The following IGFBP4 variants were observed in gnomAD, a reference collection of about 807,000 sequenced individuals.
IGFBP4 encodes insulin-like growth factor-binding protein 4.
IGFBP4 carries 9 observed loss-of-function variants against 25.8 expected under a neutral mutation model. The observed-to-expected ratio is 0.35, with a 90% CI of 0.21 to 0.61. IGFBP4 has a LOEUF of 0.61. Ranked by LOEUF, IGFBP4 falls within the 20% of genes least tolerant of loss-of-function variation. IGFBP4 has a pLI of 0.77. For synonymous variants in IGFBP4, 153 were observed against 153.9 expected (o/e 0.99, Z 0.05); for missense variants, 315 against 365.3 (o/e 0.86, Z 1.12).
chr17:40,452,564 C>T lies in IGFBP4; in HGVS notation c.350-421C>T, dbSNP rs558705495. Among the ~76,000 whole-genome samples the T allele has an allele frequency of 3.3e-4, 50 of 152,096 alleles. 1 individual carries two copies. The highest frequency in any genetic ancestry group is 1.0e-3 in the African/African-American group (42 of 41,490). ...TCCCCTGGCTGGCTCAGCCAGACACCGAAAAAATCAGGAGAGGCAACAGGG... is the reference window on the plus strand; with the variant it reads ...TCCCCTGGCTGGCTCAGCCAGACACTGAAAAAATCAGGAGAGGCAACAGGG... On this transcript the variant is annotated intron_variant, in intron 1 of 3. Transcript: ENST00000269593.
At chr17:40,454,185 C>A in intron 3 of IGFBP4, 123 bp downstream of exon 3, 1 of 1,377,658 alleles carries the variant, frequency 7.3e-7, no homozygotes, top group Non-Finnish European at 9.6e-7. Flanking sequence ...CAACCCAACC[C>A]CTTGGAGCCT....
Position 40,455,484 on chromosome 17 carries a change from A to G in IGFBP4, c.643-965A>G, listed in dbSNP as rs551160489. On this transcript the variant is annotated intron_variant, in intron 3 of 3. Coordinates refer to ENST00000269593, the MANE Select transcript of IGFBP4 (RefSeq NM_001552.3). The stretch of plus-strand genomic sequence containing the variant: ...CACAGGCACACAACTATGTCAGGCT[A>G]ATTTTTTTTTTTTTTGAGACAGAGT... Among the ~76,000 whole-genome samples the G allele has an allele frequency of 8.6e-5, 13 of 150,574 alleles. No homozygotes were observed. The East Asian group carries it at 2.5e-3, about 29-fold the overall frequency.
Position 40,444,064 on chromosome 17 carries a change from A to G in IGFBP4, c.329A>G (p.Gln110Arg). 6.5e-7 allele frequency: 1 copy of G among 1,537,940 alleles called. No homozygotes were observed. The highest frequency in any genetic ancestry group is 8.7e-7 in the Non-Finnish European group (1 of 1,147,490). ...GAGCTGGCGGAGATCGAGGCCATCC[A>G]GGAAAGCCTGCAGCCCTCTGGTAAG... ...CMELAEIEAI[Q>R]ESLQPSDKDE... The change falls in exon 1 of 4, where the codon CAG becomes CGG. Residue 110 changes from glutamine to arginine, a missense_variant. Gln to Arg is a conservative substitution (Grantham distance 43). Coordinates refer to ENST00000269593, the MANE Select transcript of IGFBP4 (RefSeq NM_001552.3).
Position 40,456,719 on chromosome 17 carries a change from G to A in IGFBP4, c.*136G>A, listed in dbSNP as rs1202488811. 1.4e-5 allele frequency: 11 copies of A among 812,360 alleles called. No individual in the cohort carries two copies. Among genetic ancestry groups the A allele is most frequent in the Admixed American group, 2.9e-5 (1 of 35,054 alleles). 50.3% of individuals were successfully genotyped at this position (812,360 alleles called of 1,614,324 possible). Reference sequence around the variant, plus strand: ...CCAGAAGTTTCCCTCAAATGCGCGTGTGCACGTGTGCGTGTGCGTGCGTGT... The same window carrying A: ...CCAGAAGTTTCCCTCAAATGCGCGTATGCACGTGTGCGTGTGCGTGCGTGT... On this transcript the variant is annotated 3_prime_UTR_variant, in exon 4 of 4. Transcript: ENST00000269593.
chr17:40,445,693 G>C (rs1486011893), intron 1 of IGFBP4, among the ~76,000 whole-genome samples: 1 of 152,174 alleles, frequency 6.6e-6, no homozygotes, highest in African/African-American at 2.4e-5. Flanking sequence ...CGCTAATCTT[G>C]GGGCAGAGAT....
rs927324755 is a variant in IGFBP4, at chr17:40,446,271, A to T, written c.349+2187A>T. On this transcript the variant is annotated intron_variant, in intron 1 of 3. Transcript: ENST00000269593. ...AAGTTCAAGGTTACAATGAGCTATG[A>T]TCACGTGATTGCACTCCAGCCTGGG... 1.4e-4 allele frequency among the ~76,000 whole-genome samples: 21 copies of T among 148,576 alleles called. No homozygotes were observed. The Admixed American group carries it at 1.4e-3, about 10-fold the overall frequency.
Position 40,456,525 on chromosome 17 carries a change from G to A in IGFBP4, c.719G>A (p.Gly240Asp). The change falls in exon 4 of 4, where the codon GGC becomes GAC. Residue 240 changes from glycine to aspartate, a missense_variant. Gly to Asp is a moderately conservative substitution (Grantham distance 94, BLOSUM62 -1). Transcript: ENST00000269593. ...DRKTGVKLPG[G>D]LEPKGELDCH... ...AAGACGGGGGTGAAGCTTCCGGGGG[G>A]CCTGGAGCCAAAGGGGGAGCTGGAC... is the stretch of plus-strand genomic sequence containing the variant. 1 of 1,613,640 alleles carries A rather than the reference G, an allele frequency of 6.2e-7. No homozygotes were observed. Among genetic ancestry groups the A allele is most frequent in the Non-Finnish European group, 8.5e-7 (1 of 1,179,890 alleles).
At chr17:40,448,168 T>C (rs748271067) in intron 1 of IGFBP4, among the ~76,000 whole-genome samples, 3 of 152,206 alleles carry the variant, frequency 2.0e-5, no homozygotes, top group Non-Finnish European at 4.4e-5. Flanking sequence ...AGCTGAAACT[T>C]CTGGTCGGGA....
intron 1 of IGFBP4, among the ~76,000 whole-genome samples, chr17:40,444,928 G>GAGAA (rs1567799602): frequency 3.1e-5 from 1 of 32,644 alleles, no homozygotes; most frequent in Non-Finnish European, 6.3e-5. Context: ...CACACACACA[G>GAGAA]AGACAGAGAG....
At position 40,452,878 on chromosome 17, in the gene IGFBP4, C is replaced by T. The variant is rs532690962; in HGVS notation, c.350-107C>T. On this transcript the variant is annotated intron_variant, in intron 1 of 3. Coordinates refer to ENST00000269593, the MANE Select transcript of IGFBP4 (RefSeq NM_001552.3). ...CCAGGCCCCCTGCTCTTCTCCAGCG[C>T]CAAGCCGAAGAATCCCCAGGAAGGA... 1.8e-4 allele frequency: 176 copies of T among 955,366 alleles called. No individual in the cohort carries two copies. The African/African-American group carries it at 2.7e-3, about 15-fold the overall frequency. The allele number at this position is 955,366 out of a possible 1,614,324, so 59.2% of individuals were successfully genotyped here.
rs201030760 is a variant in IGFBP4 at position 40,456,417 on chromosome 17, G to A, written c.643-32G>A. On this transcript the variant is annotated intron_variant, in intron 3 of 3. Transcript: ENST00000269593. ...CACTTGGGGTCTCTTTTCCTGCGTCGGAACTGACCCCTCATGTCCTTCTCT... is the reference window on the plus strand; with the variant it reads ...CACTTGGGGTCTCTTTTCCTGCGTCAGAACTGACCCCTCATGTCCTTCTCT... 157 of 1,613,284 alleles carry A rather than the reference G, an allele frequency of 9.7e-5. No homozygotes were observed. In the Admixed American group the frequency reaches 1.7e-3, roughly 17 times the overall value.
Position 40,454,061 on chromosome 17 carries a change from A to C in IGFBP4, c.641A>C (p.Gln214Pro), listed in dbSNP as rs757185079. 6.2e-7 allele frequency: 1 copy of C among 1,612,144 alleles called. No individual in the cohort carries two copies. The highest frequency in any genetic ancestry group is 1.1e-5 in the South Asian group (1 of 90,690). The change falls in exon 3 of 4, where the codon CAG (glutamine) becomes CCG (proline). Residue 214 changes from glutamine to proline, a missense_variant and splice_region_variant. Coordinates refer to ENST00000269593, the MANE Select transcript of IGFBP4 (RefSeq NM_001552.3). ...CDRNGNFHPK[Q>P]CHPALDGQRG... ...CGCAACGGCAACTTCCACCCCAAGC[A>C]GGTGGGTCTCTGTCTCCCGCTGGCT...
chr17:40,456,243 T>A (rs1012273957), intron 3 of IGFBP4, among the ~76,000 whole-genome samples: 5 of 152,144 alleles, frequency 3.3e-5, no homozygotes. Flanking sequence ...CTTCCAGAAC[T>A]CTCTGGACCT....
chr17:40,444,744 G>C (rs1424339130), intron 1 of IGFBP4, among the ~76,000 whole-genome samples: 1 of 152,056 alleles, frequency 6.6e-6, no homozygotes, highest in Non-Finnish European at 1.5e-5. Flanking sequence ...CTTTTCTCCA[G>C]GCAGGTAGGA....
At position 40,456,598 on chromosome 17, in the gene IGFBP4, C is replaced by A. The variant is rs374955534; in HGVS notation, c.*15C>A. 1.9e-5 allele frequency: 30 copies of A among 1,609,312 alleles called. No individual in the cohort carries two copies. The African/African-American group carries it at 3.6e-4, about 19-fold the overall frequency. ...TTCGAGAGTGAGGCCTGCCAGCAGG[C>A]CAGGGACTCAGCGTCCCCTGCTACT... On this transcript the variant is annotated 3_prime_UTR_variant, in exon 4 of 4. Coordinates refer to ENST00000269593, the MANE Select transcript of IGFBP4 (RefSeq NM_001552.3).
rs530774496 is a variant in IGFBP4 at position 40,453,815 on chromosome 17, C to T, written c.508-113C>T. 1 of 739,050 alleles carries T rather than the reference C, an allele frequency of 1.4e-6. No homozygotes were observed. The highest frequency in any genetic ancestry group is 1.9e-5 in the South Asian group (1 of 51,484). The allele number at this position is 739,050 out of a possible 1,614,324, so 45.8% of individuals were successfully genotyped here. A position where few individuals can be genotyped will look rare whatever the true frequency, so the allele number is the denominator to read the frequency against. ...CACCTCACTGGGTCCTGCCCAGCCC[C>T]TGGGGCTCAGGCCTCCTTTCGGGGC... On this transcript the variant is annotated intron_variant, in intron 2 of 3. Transcript: ENST00000269593. The surrounding 1 kb of genome is among the most constrained non-coding windows in gnomAD (Gnocchi z 4.0).
At position 40,457,313 on chromosome 17, in the gene IGFBP4, C is replaced by G. The variant is rs746019785; in HGVS notation, c.*730C>G. The G allele has an allele frequency of 6.6e-6, 1 of 152,016 alleles. No homozygotes were observed. Among genetic ancestry groups the G allele is most frequent in the African/African-American group, 2.4e-5 (1 of 41,340 alleles). The allele number at this position is 152,016 out of a possible 1,614,324, so 9.4% of individuals were successfully genotyped here. On this transcript the variant is annotated 3_prime_UTR_variant, in exon 4 of 4. Coordinates refer to ENST00000269593, the MANE Select transcript of IGFBP4 (RefSeq NM_001552.3). ...AGCTGAGAGCCCTGCTGTGGGAGAG[C>G]GAAGGGGGTCAAAGGAAGACTTGAA...
chr17:40,445,563 C>T lies in IGFBP4; in HGVS notation c.349+1479C>T, dbSNP rs190263724. Among the ~76,000 whole-genome samples the T allele has an allele frequency of 1.4e-3, 209 of 152,348 alleles. 2 individuals are homozygous for T. The highest frequency in any genetic ancestry group is 4.6e-3 in the African/African-American group (192 of 41,574). ...AGGTGGACTCCAGGGGTCTGGGCCT[C>T]GGGCCTCTCTGCCCTTCCTGCCCCT... On this transcript the variant is annotated intron_variant, in intron 1 of 3. Transcript: ENST00000269593.
At position 40,456,928 on chromosome 17, in the gene IGFBP4, A is replaced by G. The variant is rs1208044916; in HGVS notation, c.*345A>G. The G allele has an allele frequency of 1.8e-5, 5 of 277,792 alleles. No homozygotes were observed. Among genetic ancestry groups the G allele is most frequent in the Non-Finnish European group, 2.7e-5 (4 of 148,364 alleles). 17.2% of individuals were successfully genotyped at this position (277,792 alleles called of 1,614,324 possible). On this transcript the variant is annotated 3_prime_UTR_variant, in exon 4 of 4. Transcript: ENST00000269593. ...CATTCCTTCACTCATCCAGCCACCT[A>G]AAAACATTTACTGACCATGTACTAC...
Sources: allele counts gnomAD v4.1 joint callset (sites outside exome capture counted in the v4.1 genomes callset), GRCh38; gene constraint gnomAD v4.1.1; non-coding constraint Gnocchi (gnomAD v3.1); transcripts MANE v1.5; gene names NCBI Gene and HGNC (gene_info 2026-07-23, HGNC 2026-07-21).